The following DPP6 variants were observed in gnomAD, a reference collection of about 807,000 sequenced individuals.
The protein encoded by DPP6 is dipeptidyl peptidase like 6.
DPP6 carries 69 observed loss-of-function variants against 122.6 expected under a neutral mutation model. The observed-to-expected ratio is 0.56, with a 90% CI of 0.46 to 0.69. DPP6 has a LOEUF of 0.69. DPP6 is among the 30% of genes least tolerant of loss of function. The pLI is 0.00. For missense variants in DPP6, 928 were observed against 1,116.9 expected, an observed-to-expected ratio of 0.83 and a Z score of 2.41; for synonymous variants, 418 against 433.1, an observed-to-expected ratio of 0.97 and a Z score of 0.43.
chr7:154,132,959 C>T (rs1308206267), intron 1 of DPP6, among the ~76,000 whole-genome samples: 1 of 151,968 alleles, frequency 6.6e-6, no homozygotes, highest in Non-Finnish European at 1.5e-5. Context: ...CTCTGTAATG[C>T]TATCCTACTT....
chr7:154,164,328 A>G (rs1415516764), intron 1 of DPP6, among the ~76,000 whole-genome samples: 2 of 149,476 alleles, frequency 1.3e-5, no homozygotes, highest in Non-Finnish European at 2.9e-5. Context: ...TCTCATTTCC[A>G]TGATTTTTCA....
intron 21 of DPP6, chr7:154,883,828 C>T (rs928799915): frequency 1.3e-5 from 2 of 148,772 alleles, no homozygotes; most frequent in African/African-American, 2.5e-5. Flanking sequence ...CAATTACATA[C>T]ACCTGCTCAC....
At chr7:154,425,605 T>A (rs2337378) in intron 1 of DPP6, among the ~76,000 whole-genome samples, 49,868 of 93,638 alleles carry the variant, frequency 0.53, 9,396 homozygotes, top group Non-Finnish European at 0.56. Flanking sequence ...GGGAAAAAAA[T>A]GTGTGTGTGT....
At chr7:154,002,669 G>A (rs1295657203) in intron 1 of DPP6, among the ~76,000 whole-genome samples, 1 of 152,148 alleles carries the variant, frequency 6.6e-6, no homozygotes, top group Non-Finnish European at 1.5e-5. Flanking sequence ...GACCATGTTG[G>A]GGAGGATCCT....
At chr7:154,594,278 A>G (rs999356211) in intron 5 of DPP6, among the ~76,000 whole-genome samples, 1 of 152,248 alleles carries the variant, frequency 6.6e-6, no homozygotes, top group Middle Eastern at 3.4e-3. Flanking sequence ...CCCACGTATT[A>G]ATGCTATTTC....
At chr7:153,895,112 T>C (rs993091268) in intron 1 of DPP6, among the ~76,000 whole-genome samples, 1 of 152,208 alleles carries the variant, frequency 6.6e-6, no homozygotes, top group African/African-American at 2.4e-5. Flanking sequence ...TTAAAGAAAT[T>C]CAATTGTCCT....
chr7:153,948,832 A>G (rs770994911), intron 1 of DPP6, among the ~76,000 whole-genome samples: 4 of 147,634 alleles, frequency 2.7e-5, no homozygotes, highest in Non-Finnish European at 5.9e-5. Context: ...CGAGATATTA[A>G]ACAGGCATGA....
At chr7:154,858,103 G>C (rs908686423) in intron 17 of DPP6, 2 of 152,204 alleles carry the variant, frequency 1.3e-5, no homozygotes, top group African/African-American at 4.8e-5. Context: ...AGAAAGGCTG[G>C]AGGTCACAGG....
intron 1 of DPP6, among the ~76,000 whole-genome samples, chr7:153,909,435 TA>T (rs11432396): frequency 0.014 from 1,997 of 143,548 alleles, 53 homozygotes; most frequent in African/African-American, 0.047. Flanking sequence ...TTATCTATCT[TA>T]AAAAAAACTT....
At chr7:153,943,124 T>C (rs1173286259) in intron 1 of DPP6, among the ~76,000 whole-genome samples, 1 of 152,168 alleles carries the variant, frequency 6.6e-6, no homozygotes, top group Non-Finnish European at 1.5e-5. Context: ...AATAAAGTTT[T>C]ATTAATAAGG....
At chr7:153,806,137 G>A in the DPP6 span, among the ~76,000 whole-genome samples, 1 of 151,760 alleles carries the variant, frequency 6.6e-6, no homozygotes, top group Non-Finnish European at 1.5e-5. Context: ...ACATTAAGGT[G>A]CCTTTGGGGA....
At chr7:154,503,563 G>A (rs1054059132) in intron 3 of DPP6, among the ~76,000 whole-genome samples, 1 of 152,146 alleles carries the variant, frequency 6.6e-6, no homozygotes, top group African/African-American at 2.4e-5. Flanking sequence ...TAGAATCTGC[G>A]ATTATTGTTT....
chr7:153,967,539 T>G (rs1470188428), intron 1 of DPP6, among the ~76,000 whole-genome samples: 1 of 152,224 alleles, frequency 6.6e-6, no homozygotes, highest in Non-Finnish European at 1.5e-5. Flanking sequence ...ACATTGTTGC[T>G]GTGACTAGTC....
intron 3 of DPP6, among the ~76,000 whole-genome samples, chr7:154,480,776 C>G (rs548401749): frequency 1.3e-3 from 203 of 152,286 alleles, no homozygotes; most frequent in Non-Finnish European, 2.2e-3. Context: ...CTCCAAGTCT[C>G]AGTCCTTGAT....
At chr7:153,867,690 G>GA in the DPP6 span, among the ~76,000 whole-genome samples, 3 of 152,136 alleles carry the variant, frequency 2.0e-5, no homozygotes, top group African/African-American at 7.2e-5. Context: ...ACACTATGTT[G>GA]AATAGGAGTG....
At chr7:154,045,565 CTT>C (rs1799979046) in intron 1 of DPP6, among the ~76,000 whole-genome samples, 2 of 152,344 alleles carry the variant, frequency 1.3e-5, no homozygotes, top group African/African-American at 4.8e-5. Context: ...AGAAACAACT[CTT>C]TGAAAGCCAC....
the DPP6 span, among the ~76,000 whole-genome samples, chr7:153,768,330 C>A: frequency 6.6e-6 from 1 of 151,814 alleles, no homozygotes; most frequent in Non-Finnish European, 1.5e-5. Context: ...AATATTTTAT[C>A]TCACTTAACC....
At chr7:154,484,564 C>T (rs1314162157) in intron 3 of DPP6, among the ~76,000 whole-genome samples, 4 of 152,230 alleles carry the variant, frequency 2.6e-5, no homozygotes, top group African/African-American at 4.8e-5. Context: ...ATTAACTTGT[C>T]TGCTAGCTCC....
upstream of DPP6, among the ~76,000 whole-genome samples, chr7:153,886,237 C>T (rs1025490496): frequency 2.6e-5 from 4 of 152,148 alleles, no homozygotes; most frequent in Admixed American, 2.6e-4. Context: ...CCTCTGCGCG[C>T]GCTCCTGGGA....
Sources: allele counts gnomAD v4.1 joint callset (sites outside exome capture counted in the v4.1 genomes callset), GRCh38; gene constraint gnomAD v4.1.1; transcripts MANE v1.5; gene names NCBI Gene and HGNC (gene_info 2026-07-23, HGNC 2026-07-21).